CSMD3: variants seen among roughly 807,000 people sequenced by gnomAD.
The protein encoded by CSMD3 is CUB and Sushi multiple domains 3.
In CSMD3, 177 loss-of-function variants were observed where a neutral mutation model predicts 435.2. That is an observed-to-expected ratio of 0.41 (90% CI 0.36 to 0.46). CSMD3 has a LOEUF of 0.46. CSMD3 is among the 20% of genes least tolerant of loss of function. CSMD3 has a pLI of 0.34. For missense variants in CSMD3, 4,265 were observed against 4,504.6 expected, an observed-to-expected ratio of 0.95 and a Z score of 1.52; for synonymous variants, 1,656 against 1,520.5, an observed-to-expected ratio of 1.09 and a Z score of -2.07.
At chr8:112,561,811 TAA>T (rs1347074609) in intron 24 of CSMD3, among the ~76,000 whole-genome samples, 1 of 151,716 alleles carries the variant, frequency 6.6e-6, no homozygotes, top group Non-Finnish European at 1.5e-5. Flanking sequence ...ATAATGGTTT[TAA>T]AAATTCTGTG....
intron 10 of CSMD3, among the ~76,000 whole-genome samples, chr8:112,915,001 C>T (rs2130570633): frequency 6.6e-6 from 1 of 151,978 alleles, no homozygotes; most frequent in East Asian, 1.9e-4. Flanking sequence ...CTTCAAGATG[C>T]TTTTTGCTAG....
At chr8:112,915,756 C>G (rs933834005) in intron 10 of CSMD3, among the ~76,000 whole-genome samples, 2 of 151,758 alleles carry the variant, frequency 1.3e-5, no homozygotes, top group African/African-American at 4.8e-5. Flanking sequence ...AAATTTGAAA[C>G]CTGTCTTTTT....
At chr8:112,731,066 C>T (rs1418180659) in intron 13 of CSMD3, among the ~76,000 whole-genome samples, 1 of 151,904 alleles carries the variant, frequency 6.6e-6, no homozygotes, top group Non-Finnish European at 1.5e-5. Context: ...TTAAAAAGTC[C>T]TTTGTTTGAA....
chr8:112,298,898 A>G (rs1392824751), intron 53 of CSMD3, among the ~76,000 whole-genome samples: 1 of 152,162 alleles, frequency 6.6e-6, no homozygotes, highest in Admixed American at 6.6e-5. Flanking sequence ...GTATGTCCAC[A>G]AAAAGACTTT....
At chr8:112,300,379 A>G (rs1266631370) in intron 53 of CSMD3, among the ~76,000 whole-genome samples, 1 of 151,244 alleles carries the variant, frequency 6.6e-6, no homozygotes, top group African/African-American at 2.4e-5. Context: ...AATTAGTACA[A>G]CCAAAATCAG....
intron 32 of CSMD3, among the ~76,000 whole-genome samples, chr8:112,415,469 C>G (rs1811808357): frequency 1.3e-5 from 2 of 152,118 alleles, no homozygotes; most frequent in Non-Finnish European, 2.9e-5. Flanking sequence ...CAGGGTGGAG[C>G]CATCATGAAG....
chr8:113,270,260 A>T (rs1484704436), intron 3 of CSMD3, among the ~76,000 whole-genome samples: 7 of 149,168 alleles, frequency 4.7e-5, no homozygotes, highest in Middle Eastern at 3.4e-3. Flanking sequence ...CCACAATGAG[A>T]TACCATCTCA....
chr8:112,476,902 T>C (rs887475311), intron 31 of CSMD3, among the ~76,000 whole-genome samples: 1 of 152,174 alleles, frequency 6.6e-6, no homozygotes, highest in Admixed American at 6.6e-5. Flanking sequence ...GACTCTCAGC[T>C]CCACTCATCA....
chr8:112,765,473 G>A (rs1342641006), intron 13 of CSMD3, among the ~76,000 whole-genome samples: 2 of 151,556 alleles, frequency 1.3e-5, no homozygotes, highest in Admixed American at 1.3e-4. Flanking sequence ...CCTGATTCGG[G>A]ACACTGTTTC....
rs990143210 is a variant in CSMD3 at position 113,149,217 on chromosome 8, G to A, written c.709+24505C>T. Among the ~76,000 whole-genome samples the A allele has an allele frequency of 7.3e-5, 11 of 151,606 alleles. 1 individual carries two copies. Among genetic ancestry groups the A allele is most frequent in the Non-Finnish European group, 8.8e-5 (6 of 67,838 alleles). ...TTATTCATATTATACAAACATCTAG[G>A]ACACGGAAAATGCTCACCATAACTT... On this transcript the variant is annotated intron_variant, in intron 4 of 70. Coordinates refer to ENST00000297405, the MANE Select transcript of CSMD3 (RefSeq NM_198123.2).
chr8:112,622,532 T>C (rs931014654), intron 22 of CSMD3, among the ~76,000 whole-genome samples: 1 of 152,172 alleles, frequency 6.6e-6, no homozygotes, highest in African/African-American at 2.4e-5. Flanking sequence ...CCAGTCCTTA[T>C]CTTCTTAGAC....
Position 112,314,474 on chromosome 8 carries a change from A to C in CSMD3, c.7504T>G (p.Phe2502Val). 3 of 1,612,650 alleles carry C rather than the reference A, an allele frequency of 1.9e-6. No homozygotes were observed. In the South Asian group the frequency reaches 3.3e-5, roughly 18 times the overall value. The change falls in exon 48 of 71, where the codon TTC (phenylalanine) becomes GTC (valine). Residue 2502 changes from phenylalanine (F) to valine (V), a missense_variant. Coordinates refer to ENST00000297405, the MANE Select transcript of CSMD3 (RefSeq NM_198123.2). Reference sequence around the variant, plus strand: ...TCAAATTCCTTTTCTGTCTGGAAGAATTCTACAAACATGGTGATATTATAA... The same window carrying C: ...TCAAATTCCTTTTCTGTCTGGAAGACTTCTACAAACATGGTGATATTATAA... ...KGYNITMFVE[F>V]FQTEKEFDVL... is the part of the protein sequence containing the mutation.
intron 32 of CSMD3, among the ~76,000 whole-genome samples, chr8:112,459,755 G>A (rs1452721335): frequency 3.9e-5 from 6 of 152,088 alleles, no homozygotes; most frequent in Admixed American, 3.9e-4. Flanking sequence ...GGCATACCAG[G>A]CACTTCATAA....
In CSMD3 at chr8:112,306,088, A is replaced by G. The variant is rs762126462; in HGVS notation, c.7990T>C (p.Leu2664=). ...GCTGTAGTGAGTTCTTTGGATGACA[A>G]TCGATATCCATCATTACAAAAATAG... The part of the protein sequence containing the change: ...VTYFCNDGYR[L]SSKELTTAVC... The change falls in exon 51 of 71, where the codon TTG becomes CTG. Residue 2664 remains leucine, a synonymous_variant. Transcript: ENST00000297405. The G allele has an allele frequency of 6.2e-6, 10 of 1,613,416 alleles. No individual in the cohort carries two copies. In the East Asian group the frequency reaches 8.9e-5, roughly 14 times the overall value.
intron 35 of CSMD3, among the ~76,000 whole-genome samples, chr8:112,399,263 A>AC (rs1831116601): frequency 1.3e-5 from 1 of 77,490 alleles, no homozygotes; most frequent in Non-Finnish European, 2.7e-5. Context: ...TTTTGATTCC[A>AC]AATTTTTTTT....
At chr8:113,415,405 A>C (rs2094577507) in intron 1 of CSMD3, among the ~76,000 whole-genome samples, 1 of 152,324 alleles carries the variant, frequency 6.6e-6, no homozygotes, top group South Asian at 2.1e-4. Context: ...TGTACAAAGA[A>C]GGCTATGATG....
At position 112,708,316 on chromosome 8, in the gene CSMD3, G is replaced by T. The variant is rs149060777; in HGVS notation, c.1973-18266C>A. Among the ~76,000 whole-genome samples the T allele has an allele frequency of 3.6e-3, 553 of 152,158 alleles. 7 individuals carry two copies. The highest frequency in any genetic ancestry group is 0.013 in the African/African-American group (538 of 41,550). On this transcript the variant is annotated intron_variant, in intron 13 of 70. Transcript: ENST00000297405. Reference sequence around the variant, plus strand: ...TGGAAAAGTAAATTATACCCAGATGGTAGAGAATGTCTTACATCTGGTTAT... The same window carrying T: ...TGGAAAAGTAAATTATACCCAGATGTTAGAGAATGTCTTACATCTGGTTAT...
intron 41 of CSMD3, among the ~76,000 whole-genome samples, chr8:112,343,007 A>T (rs1563815693): frequency 2.1e-4 from 20 of 94,730 alleles, no homozygotes; most frequent in African/African-American, 6.0e-4. Context: ...ATATTTATAT[A>T]TATATATATT....
intron 45 of CSMD3, among the ~76,000 whole-genome samples, chr8:112,323,116 G>C (rs1355169346): frequency 6.6e-6 from 1 of 150,758 alleles, no homozygotes; most frequent in Non-Finnish European, 1.5e-5. Context: ...ATGTAATTTT[G>C]AATAAAAAAG....
Sources: gnomAD v4.1 joint callset for allele counts (sites outside exome capture counted in the v4.1 genomes callset) on GRCh38, gnomAD v4.1.1 for gene constraint, MANE v1.5 for transcripts, NCBI Gene and HGNC (gene_info 2026-07-23, HGNC 2026-07-21) for gene names.